GOLIM4: variants seen among roughly 807,000 people sequenced by gnomAD.
The protein encoded by GOLIM4 is 130 kDa golgi-localized phosphoprotein.
GOLIM4 carries 71 observed loss-of-function variants against 107.4 expected under a neutral mutation model. The observed-to-expected ratio is 0.66, with a 90% CI of 0.55 to 0.81. The LOEUF (loss-of-function observed/expected upper bound fraction) is 0.81, where lower values mean the gene tolerates loss of function less well. Ranked by LOEUF, GOLIM4 falls within the 30% of genes least tolerant of loss-of-function variation. The pLI, the probability that GOLIM4 is intolerant of heterozygous loss-of-function variation, is 0.00. For synonymous variants in GOLIM4, 327 were observed against 294.8 expected, an observed-to-expected ratio of 1.11 and a Z score of -1.12; for missense variants, 830 against 826.1, an observed-to-expected ratio of 1.00 and a Z score of -0.06.
rs557431625 is a variant in GOLIM4, at chr3:168,013,118, C to G, written c.1861-2295G>C. Reference sequence around the variant, plus strand: ...GCAAATTGGATGAAGAGTCAAGACCCATCAGTGTGCTGTATTCAGGAAACC... The same window carrying G: ...GCAAATTGGATGAAGAGTCAAGACCGATCAGTGTGCTGTATTCAGGAAACC... On this transcript the variant is annotated intron_variant, in intron 14 of 15. Transcript: ENST00000470487. Among the ~76,000 whole-genome samples, 11 of 151,512 alleles carry G rather than the reference C, an allele frequency of 7.3e-5. No individual in the cohort carries two copies. In the South Asian group the frequency reaches 8.3e-4, roughly 11 times the overall value.
intron 1 of GOLIM4, among the ~76,000 whole-genome samples, chr3:168,049,453 C>T (rs77238630): frequency 0.044 from 4,554 of 103,016 alleles, 217 homozygotes; most frequent in African/African-American, 0.19. Context: ...GAATAGGCAC[C>T]GAGGGAGAGA....
chr3:168,085,681 C>CA (rs1393025382), intron 1 of GOLIM4, among the ~76,000 whole-genome samples: 1 of 152,134 alleles, frequency 6.6e-6, no homozygotes, highest in Admixed American at 6.6e-5. Context: ...AAAGATGACT[C>CA]AGAGTGGAAC....
intron 1 of GOLIM4, among the ~76,000 whole-genome samples, chr3:168,060,328 C>A (rs1483054169): frequency 6.6e-6 from 1 of 152,104 alleles, no homozygotes; most frequent in Non-Finnish European, 1.5e-5. Flanking sequence ...ACTAGTTCTG[C>A]AGTAATTGAG....
Position 168,027,813 on chromosome 3 carries a change from T to C in GOLIM4, c.1538A>G (p.Gln513Arg). Residue 513 changes from glutamine to arginine, a missense_variant, in exon 12 of 16, where the codon CAA becomes CGA. Gln to Arg is a conservative substitution (Grantham distance 43). Coordinates refer to ENST00000470487, the MANE Select transcript of GOLIM4 (RefSeq NM_014498.5). ...ACCTGGATCTCCTTCTGCTTCATCT[T>C]GGTGCTGGTTGTCTCTTTCATAGGC... ...EGAYERDNQH[Q>R]DEAEGDPGNR... 1 of 1,612,388 alleles carries C rather than the reference T, an allele frequency of 6.2e-7. No homozygotes were observed. The highest frequency in any genetic ancestry group is 8.5e-7 in the Non-Finnish European group (1 of 1,178,448).
In GOLIM4 at chr3:168,048,339, C is replaced by A; in HGVS notation, c.214G>T (p.Glu72Ter). ...AGTCTTTCTTTTTGCAAGGATTTCT[C>A]TAATCTTGATCTGTGTTCATATACA... Reference protein sequence around the residue: ...QVVYEHRSRLEKSLQKERLEH... With the variant: ...QVVYEHRSRL The change falls in exon 2 of 16, where the codon GAG becomes TAG. Residue 72 changes from glutamate (E) to a stop codon, truncating the protein, a stop_gained. Transcript: ENST00000470487. LOFTEE classifies it high-confidence loss of function. 6.5e-7 allele frequency: 1 copy of A among 1,540,486 alleles called. No homozygotes were observed. Among genetic ancestry groups the A allele is most frequent in the South Asian group, 1.2e-5 (1 of 86,542 alleles).
rs1364476753 is a variant in GOLIM4 at position 168,095,366 on chromosome 3, C to A, written c.-81G>T. ...GAGCGAGCGTCTCAGCAGCGGCCGC[C>A]GCAGTAGGTGGCCAGACGCAGCATG... On this transcript the variant is annotated 5_prime_UTR_variant, in exon 1 of 16. Coordinates refer to ENST00000470487, the MANE Select transcript of GOLIM4 (RefSeq NM_014498.5). 1 of 1,230,422 alleles carries A rather than the reference C, an allele frequency of 8.1e-7. No homozygotes were observed. The highest frequency in any genetic ancestry group is 1.1e-6 in the Non-Finnish European group (1 of 870,470). The allele number at this position is 1,230,422 out of a possible 1,614,324, so 76.2% of individuals were successfully genotyped here. A position where few individuals can be genotyped will look rare whatever the true frequency, so the allele number is the denominator to read the frequency against.
At chr3:168,020,281 T>C (rs754237116) in intron 14 of GOLIM4, among the ~76,000 whole-genome samples, 3 of 152,164 alleles carry the variant, frequency 2.0e-5, no homozygotes, top group Non-Finnish European at 4.4e-5. Flanking sequence ...TTAGAAAGTC[T>C]TTAGCAAATG....
chr3:168,066,041 G>A (rs1033729593), intron 1 of GOLIM4, among the ~76,000 whole-genome samples: 60 of 152,104 alleles, frequency 3.9e-4, no homozygotes, highest in African/African-American at 1.4e-3. Flanking sequence ...GAACATAATA[G>A]TGATGTTCAG....
At chr3:168,091,183 A>T (rs2108298305) in intron 1 of GOLIM4, among the ~76,000 whole-genome samples, 1 of 152,316 alleles carries the variant, frequency 6.6e-6, no homozygotes, top group East Asian at 1.9e-4. Flanking sequence ...TTTTTTTAAA[A>T]TTTTAAATAG....
chr3:168,073,408 T>A (rs1222065140), intron 1 of GOLIM4, among the ~76,000 whole-genome samples: 1 of 152,228 alleles, frequency 6.6e-6, no homozygotes, highest in East Asian at 1.9e-4. Context: ...CACAGCCATA[T>A]AAAATGTCTA....
At chr3:168,094,711 C>T (rs1722074195) in intron 1 of GOLIM4, among the ~76,000 whole-genome samples, 1 of 152,208 alleles carries the variant, frequency 6.6e-6, no homozygotes, top group Non-Finnish European at 1.5e-5. Flanking sequence ...AAAGCAAATA[C>T]CTAGAATCCA....
At chr3:168,080,799 T>C (rs979773473) in intron 1 of GOLIM4, among the ~76,000 whole-genome samples, 5 of 150,844 alleles carry the variant, frequency 3.3e-5, no homozygotes, top group Non-Finnish European at 5.9e-5. Context: ...ATATAAAATA[T>C]TTTTCTTTTT....
intron 1 of GOLIM4, among the ~76,000 whole-genome samples, chr3:168,077,644 T>A (rs1444969625): frequency 1.3e-5 from 2 of 152,210 alleles, no homozygotes; most frequent in Admixed American, 6.5e-5. Context: ...ATTGACTCTA[T>A]ATCTTTATAT....
At chr3:168,037,031 T>C (rs202171775) in intron 7 of GOLIM4, 37 bp from the exon 8 acceptor site, 53 of 1,507,430 alleles carry the variant, frequency 3.5e-5, no homozygotes, top group Admixed American at 6.8e-5. Context: ...AGGGAATCTA[T>C]GAATGCCCAT....
Position 168,095,348 on chromosome 3 carries a change from C to A in GOLIM4, c.-63G>T, listed in dbSNP as rs934205380. ...GTCTCCTCCCCTTGGTCCGAGCGAG[C>A]GTCTCAGCAGCGGCCGCCGCAGTAG... On this transcript the variant is annotated 5_prime_UTR_variant, in exon 1 of 16. Coordinates refer to ENST00000470487, the MANE Select transcript of GOLIM4 (RefSeq NM_014498.5). The A allele has an allele frequency of 5.4e-6, 8 of 1,480,784 alleles. No homozygotes were observed. Among genetic ancestry groups the A allele is most frequent in the African/African-American group, 2.8e-5 (2 of 71,516 alleles). The allele number at this position is 1,480,784 out of a possible 1,614,324, so 91.7% of individuals were successfully genotyped here. A position where few individuals can be genotyped will look rare whatever the true frequency, so the allele number is the denominator to read the frequency against.
chr3:168,024,598 T>C lies in GOLIM4; in HGVS notation c.1792-4A>G. The C allele has an allele frequency of 6.2e-7, 1 of 1,611,904 alleles. No individual in the cohort carries two copies. The highest frequency in any genetic ancestry group is 8.5e-7 in the Non-Finnish European group (1 of 1,178,032). ...GCTGGTCTGGATTTCCTGCCATCTGTTGGAAACAAAAGGGCAGGTTCATGT... is the reference window on the plus strand; with the variant it reads ...GCTGGTCTGGATTTCCTGCCATCTGCTGGAAACAAAAGGGCAGGTTCATGT... On this transcript the variant is annotated splice_polypyrimidine_tract_variant and splice_region_variant and intron_variant, in intron 13 of 15. Transcript: ENST00000470487.
rs1462697704 is a variant in GOLIM4, at chr3:168,027,978, T to C, written c.1514-141A>G. 5 of 637,456 alleles carry C rather than the reference T, an allele frequency of 7.8e-6. No homozygotes were observed. The African/African-American group carries it at 9.1e-5, about 12-fold the overall frequency. The allele number at this position is 637,456 out of a possible 1,614,324, so 39.5% of individuals were successfully genotyped here. On this transcript the variant is annotated intron_variant, in intron 11 of 15. Transcript: ENST00000470487. The stretch of plus-strand genomic sequence containing the variant: ...TTAACTCAACATAAGGCCTATGTCC[T>C]GGCTTTTCTGAATAAGGTTATGTTC...
At chr3:168,049,719 A>T (rs890165502) in intron 1 of GOLIM4, among the ~76,000 whole-genome samples, 1 of 152,124 alleles carries the variant, frequency 6.6e-6, no homozygotes, top group Non-Finnish European at 1.5e-5. Context: ...CCATCCCTGC[A>T]GCAATCCCTT....
chr3:168,066,463 C>A (rs1022702122), intron 1 of GOLIM4, among the ~76,000 whole-genome samples: 2 of 152,064 alleles, frequency 1.3e-5, no homozygotes, highest in Non-Finnish European at 2.9e-5. Context: ...GTTATTTTTT[C>A]ATTGACAAAA....
Sources: gnomAD v4.1 joint callset for allele counts (sites outside exome capture counted in the v4.1 genomes callset) on GRCh38, gnomAD v4.1.1 for gene constraint, MANE v1.5 for transcripts, NCBI Gene and HGNC (gene_info 2026-07-23, HGNC 2026-07-21) for gene names.